SBF2: variants seen among roughly 807,000 people sequenced by gnomAD.
The protein encoded by SBF2 is SET binding factor 2, also known as myotubularin-related protein 13.
SBF2 carries 112 observed loss-of-function variants against 225.2 expected under a neutral mutation model. The ratio of observed to expected loss-of-function variants is 0.50; its 90% CI spans 0.43 to 0.58. The LOEUF is 0.58. Among genes scored for constraint, SBF2 ranks in the 20% least tolerant of loss-of-function variants. The probability of loss-of-function intolerance (pLI) is 0.00; values close to 1 mark genes in which losing one functional copy is unlikely to be tolerated. For synonymous variants in SBF2, 763 were observed against 773.3 expected, an observed-to-expected ratio of 0.99 and a Z score of 0.22; for missense variants, 1,996 against 2,206.2, an observed-to-expected ratio of 0.90 and a Z score of 1.91.
chr11:10,090,447 C>T (rs1297064599), intron 2 of SBF2, among the ~76,000 whole-genome samples: 1 of 152,124 alleles, frequency 6.6e-6, no homozygotes, highest in Non-Finnish European at 1.5e-5. Flanking sequence ...ATAGATATAA[C>T]TTTACCGTGA....
chr11:9,790,297 T>C (rs1358286908), intron 34 of SBF2, among the ~76,000 whole-genome samples: 1 of 152,240 alleles, frequency 6.6e-6, no homozygotes, highest in Non-Finnish European at 1.5e-5. Context: ...TGGGGAAAGG[T>C]GCCTTGCTTT....
chr11:10,066,530 T>C (rs1461257761), intron 2 of SBF2, among the ~76,000 whole-genome samples: 1 of 152,086 alleles, frequency 6.6e-6, no homozygotes, highest in Non-Finnish European at 1.5e-5. Flanking sequence ...GATATGATCA[T>C]TTCAATACAA....
intron 29 of SBF2, among the ~76,000 whole-genome samples, chr11:9,816,537 G>A (rs1027297123): frequency 2.0e-5 from 3 of 152,138 alleles, no homozygotes; most frequent in African/African-American, 7.2e-5. Context: ...ACAGCCTGAT[G>A]AAGCCTTATT....
rs1012700800 is a variant in SBF2, at chr11:9,883,176, A to T, written c.1929+12767T>A. On this transcript the variant is annotated intron_variant, in intron 17 of 39. Coordinates refer to ENST00000256190, the MANE Select transcript of SBF2 (RefSeq NM_030962.4). The stretch of plus-strand genomic sequence containing the variant: ...CACACAAAAAAGCTCCCTATTGATC[A>T]CATATCTGGATTTTACAACCTGGCA... 4.6e-5 allele frequency among the ~76,000 whole-genome samples: 7 copies of T among 152,250 alleles called. No individual in the cohort carries two copies. In the South Asian group the frequency reaches 6.2e-4, roughly 14 times the overall value.
intron 2 of SBF2, among the ~76,000 whole-genome samples, chr11:10,061,368 A>C (rs895912535): frequency 2.0e-5 from 3 of 152,206 alleles, no homozygotes; most frequent in African/African-American, 7.2e-5. Context: ...AAAGAAATAA[A>C]GGACATCCAA....
chr11:10,106,191 T>C (rs1952545263), intron 2 of SBF2, among the ~76,000 whole-genome samples: 1 of 152,192 alleles, frequency 6.6e-6, no homozygotes, highest in African/African-American at 2.4e-5. Flanking sequence ...CTTCCTCACT[T>C]CCCTCTGTAG....
At chr11:9,797,503 C>T (rs974655235) in intron 32 of SBF2, among the ~76,000 whole-genome samples, 2 of 152,212 alleles carry the variant, frequency 1.3e-5, no homozygotes, top group African/African-American at 4.8e-5. Flanking sequence ...TGCATCAGAT[C>T]TCCACAGGAC....
chr11:10,101,861 T>C (rs1590958504), intron 2 of SBF2, among the ~76,000 whole-genome samples: 1 of 152,026 alleles, frequency 6.6e-6, no homozygotes, highest in Non-Finnish European at 1.5e-5. Context: ...AGAACATGGG[T>C]TTAGGACCCC....
intron 24 of SBF2, among the ~76,000 whole-genome samples, chr11:9,844,408 G>A (rs933490657): frequency 2.0e-5 from 3 of 152,140 alleles, no homozygotes; most frequent in Admixed American, 6.5e-5. Flanking sequence ...GCAGATGCCC[G>A]AATTCTACAT....
At chr11:9,837,644 T>A (rs1231128054) in intron 26 of SBF2, among the ~76,000 whole-genome samples, 1 of 152,198 alleles carries the variant, frequency 6.6e-6, no homozygotes, top group East Asian at 1.9e-4. Flanking sequence ...GACAACAACT[T>A]TTTTTAAAGG....
chr11:10,178,893 A>G (rs543716094), intron 2 of SBF2, among the ~76,000 whole-genome samples: 58 of 148,444 alleles, frequency 3.9e-4, no homozygotes, highest in African/African-American at 1.3e-3. Context: ...ACACATGCAC[A>G]CGTATGTTTA....
intron 2 of SBF2, among the ~76,000 whole-genome samples, chr11:10,054,320 G>A (rs1020424666): frequency 6.6e-6 from 1 of 152,130 alleles, no homozygotes; most frequent in Non-Finnish European, 1.5e-5. Context: ...ACTTAGGTAG[G>A]CAGATATACA....
At chr11:9,802,958 G>A (rs1256587603) in intron 32 of SBF2, among the ~76,000 whole-genome samples, 2 of 152,182 alleles carry the variant, frequency 1.3e-5, no homozygotes, top group East Asian at 3.9e-4. Context: ...CTGCACTTAG[G>A]TTATTATGTA....
At chr11:10,262,838 G>T (rs996637478) in intron 1 of SBF2, among the ~76,000 whole-genome samples, 2 of 151,814 alleles carry the variant, frequency 1.3e-5, no homozygotes, top group African/African-American at 4.8e-5. Context: ...AAAATAATTG[G>T]TTGATGCTTT....
chr11:10,035,313 A>C (rs1949394061), intron 3 of SBF2, among the ~76,000 whole-genome samples: 1 of 152,154 alleles, frequency 6.6e-6, no homozygotes, highest in East Asian at 1.9e-4. Context: ...TAAAAACCCT[A>C]GAAGAAAACC....
chr11:9,856,755 C>A, intron 18 of SBF2, 35 bp from the exon 19 acceptor site: 1 of 1,602,832 alleles, frequency 6.2e-7, no homozygotes, highest in South Asian at 1.1e-5. Flanking sequence ...AAAAGAGAAC[C>A]ATCACTTCAG....
intron 17 of SBF2, among the ~76,000 whole-genome samples, chr11:9,863,616 T>C (rs956067564): frequency 6.6e-6 from 1 of 152,168 alleles, no homozygotes; most frequent in Non-Finnish European, 1.5e-5. Flanking sequence ...TTTTAGAGCA[T>C]TTTCTGATGA....
At chr11:10,153,211 G>A (rs1415779874) in intron 2 of SBF2, among the ~76,000 whole-genome samples, 3 of 152,104 alleles carry the variant, frequency 2.0e-5, no homozygotes, top group Admixed American at 6.5e-5. Context: ...GACTGGATAA[G>A]AAATTTTTAT....
chr11:9,993,946 G>T lies in SBF2; in HGVS notation c.1028C>A (p.Thr343Lys). The T allele has an allele frequency of 7.9e-7, 1 of 1,261,514 alleles. No individual in the cohort carries two copies. The highest frequency in any genetic ancestry group is 1.2e-6 in the Non-Finnish European group (1 of 858,128). The allele number at this position is 1,261,514 out of a possible 1,614,324, so 78.1% of individuals were successfully genotyped here. A position where few individuals can be genotyped will look rare whatever the true frequency, so the allele number is the denominator to read the frequency against. Residue 343 changes from threonine (T) to lysine (K), a missense_variant, in exon 10 of 40, where the codon ACA becomes AAA. Coordinates refer to ENST00000256190, the MANE Select transcript of SBF2 (RefSeq NM_030962.4). Reference protein sequence around the residue: ...VADHAFPPPRTALSHSKMLDK... With the variant: ...VADHAFPPPRKALSHSKMLDK... Reference sequence around the variant, plus strand: ...CAGCATTTTTGAGTGGGATAAAGCTGTTCGTGGAGGAGGAAAAGCATGATC... The same window carrying T: ...CAGCATTTTTGAGTGGGATAAAGCTTTTCGTGGAGGAGGAAAAGCATGATC...
Sources: gnomAD v4.1 joint callset for allele counts (sites outside exome capture counted in the v4.1 genomes callset) on GRCh38, gnomAD v4.1.1 for gene constraint, MANE v1.5 for transcripts, NCBI Gene and HGNC (gene_info 2026-07-23, HGNC 2026-07-21) for gene names.